The following VHL variants were observed in gnomAD, a reference collection of about 807,000 sequenced individuals.
The protein encoded by VHL is von Hippel-Lindau disease tumor suppressor.
A neutral mutation model predicts 19.2 loss-of-function variants in VHL; 10 were observed. The observed-to-expected ratio is 0.52, with a 90% CI of 0.32 to 0.89. The LOEUF (loss-of-function observed/expected upper bound fraction) is 0.89. Among genes scored for constraint, VHL ranks in the 40% least tolerant of loss-of-function variants. VHL has a pLI of 0.03. For missense variants in VHL, 328 were observed against 292.7 expected, an observed-to-expected ratio of 1.12 and a Z score of -0.88; for synonymous variants, 167 against 129.5, an observed-to-expected ratio of 1.29 and a Z score of -1.97.
rs1696468121 is a variant in VHL at position 10,153,441 on chromosome 3, A to G, written c.*3476A>G. Among the ~76,000 whole-genome samples the G allele has an allele frequency of 8.4e-6, 1 of 119,692 alleles. No individual in the cohort carries two copies. The highest frequency in any genetic ancestry group is 1.5e-5 in the Non-Finnish European group (1 of 65,280). 78.5% of individuals were successfully genotyped at this position (119,692 alleles called of 152,430 possible). ...TGAAATTCCATCTCAAAAAGAAACC[A>G]AAAAAACAAAAAAAAAACATGCCGT... On this transcript the variant is annotated 3_prime_UTR_variant, in exon 3 of 3. Transcript: ENST00000256474.
intron 2 of VHL, among the ~76,000 whole-genome samples, chr3:10,148,019 C>G (rs968274150): frequency 5.3e-5 from 8 of 151,690 alleles, no homozygotes; most frequent in Admixed American, 2.0e-4. Context: ...TCCCTTGAGC[C>G]CAGGAGTTTG....
At chr3:10,142,391 G>A (rs1477530962) in intron 1 of VHL, among the ~76,000 whole-genome samples, 1 of 131,092 alleles carries the variant, frequency 7.6e-6, no homozygotes. Flanking sequence ...TGTCGCCCAG[G>A]CTGGAGTGCA....
At position 10,141,852 on chromosome 3, in the gene VHL, C is replaced by T. The variant is rs111246617; in HGVS notation, c.5C>T (p.Pro2Leu). Residue 2 changes from proline to leucine, a missense_variant, in exon 1 of 3, where the codon CCC becomes CTC. Pro to Leu is a moderately conservative substitution (Grantham distance 98). Coordinates refer to ENST00000256474, the MANE Select transcript of VHL (RefSeq NM_000551.4). ...GTGGTCTGGATCGCGGAGGGAATGC[C>T]CCGGAGGGCGGAGAACTGGGACGAG... M[P>L]RRAENWDEAE... 1.4e-4 allele frequency: 212 copies of T among 1,535,874 alleles called. No individual in the cohort carries two copies. The highest frequency in any genetic ancestry group is 1.7e-4 in the Non-Finnish European group (192 of 1,140,018).
chr3:10,147,361 T>G (rs578047912), intron 2 of VHL, among the ~76,000 whole-genome samples: 3 of 32,386 alleles, frequency 9.3e-5, no homozygotes, highest in East Asian at 8.9e-4. Context: ...TCAGAGGTGT[T>G]TTTTTTTTTT....
chr3:10,146,261 C>T (rs570354289), intron 1 of VHL, among the ~76,000 whole-genome samples: 18 of 151,440 alleles, frequency 1.2e-4, no homozygotes, highest in African/African-American at 4.4e-4. Flanking sequence ...GCAAGCTCCA[C>T]CTCCTGGGTT....
At position 10,142,250 on chromosome 3, in the gene VHL, C is replaced by T. The variant is rs1334583074; in HGVS notation, c.340+63C>T. Reference sequence around the variant, plus strand: ...GATAGCACGGTCTGAAGCCCCTCTACCGCCCCGGGGTCCATTTTGCAGACG... The same window carrying T: ...GATAGCACGGTCTGAAGCCCCTCTATCGCCCCGGGGTCCATTTTGCAGACG... On this transcript the variant is annotated intron_variant, in intron 1 of 2. Transcript: ENST00000256474. The T allele has an allele frequency of 1.3e-5, 20 of 1,540,494 alleles. 1 individual carries two copies. The highest frequency in any genetic ancestry group is 6.8e-5 in the African/African-American group (5 of 73,454).
At chr3:10,143,827 GT>G (rs1035352406) in intron 1 of VHL, among the ~76,000 whole-genome samples, 3 of 152,226 alleles carry the variant, frequency 2.0e-5, no homozygotes, top group African/African-American at 7.2e-5. Flanking sequence ...TTGCCAAGTG[GT>G]TTGGAGGGGA....
chr3:10,142,424 C>G, intron 1 of VHL: 1 of 543,260 alleles, frequency 1.8e-6, no homozygotes. Flanking sequence ...CGACTCACTG[C>G]AGCCTCCGCC....
chr3:10,148,625 A>G (rs544539203), intron 2 of VHL, among the ~76,000 whole-genome samples: 69 of 149,648 alleles, frequency 4.6e-4, no homozygotes, highest in African/African-American at 8.4e-4. Context: ...AGATTTTCTA[A>G]GTACACATTG....
At position 10,146,496 on chromosome 3, in the gene VHL, C is replaced by T; in HGVS notation, c.341-18C>T. 2 of 1,613,062 alleles carry T rather than the reference C, an allele frequency of 1.2e-6. No homozygotes were observed. The highest frequency in any genetic ancestry group is 1.7e-6 in the Non-Finnish European group (2 of 1,179,300). On this transcript the variant is annotated intron_variant, in intron 1 of 2. Transcript: ENST00000256474. ...GCCACCGGTGTGGCTCTTTAACAAC[C>T]TTTGCTTGTCCCGATAGGTCACCTT...
chr3:10,145,458 C>G (rs1369759160), intron 1 of VHL, among the ~76,000 whole-genome samples: 2 of 152,004 alleles, frequency 1.3e-5, no homozygotes, highest in Non-Finnish European at 2.9e-5. Context: ...GTAATCCCAG[C>G]ACTTTGGGAG....
chr3:10,149,854 A>T lies in VHL; in HGVS notation c.531A>T (p.Arg177Ser), dbSNP rs766088261. 1 of 1,614,144 alleles carries T rather than the reference A, an allele frequency of 6.2e-7. No individual in the cohort carries two copies. The highest frequency in any genetic ancestry group is 8.5e-7 in the Non-Finnish European group (1 of 1,180,026). Residue 177 changes from arginine (R) to serine (S), a missense_variant, in exon 3 of 3, where the codon AGA becomes AGT. Physicochemically the swap from Arg to Ser is moderately radical, Grantham distance 110 (BLOSUM62 -1). Transcript: ENST00000256474. ...TAGTCAAGCCTGAGAATTACAGGAG[A>T]CTGGACATCGTCAGGTCGCTCTACG... ...RSLVKPENYR[R>S]LDIVRSLYED...
rs5030832 is a variant in VHL, at chr3:10,146,535, A to G, written c.362A>G (p.Asp121Gly). 6.2e-7 allele frequency: 1 copy of G among 1,613,928 alleles called. No individual in the cohort carries two copies. Among genetic ancestry groups the G allele is most frequent in the Non-Finnish European group, 8.5e-7 (1 of 1,179,860 alleles). The change falls in exon 2 of 3, where the codon GAT (aspartate) becomes GGT (glycine). Residue 121 changes from aspartate to glycine, a missense_variant. Transcript: ENST00000256474. ...ATAGGTCACCTTTGGCTCTTCAGAG[A>G]TGCAGGGACACACGATGGGCTTCTG... Reference protein sequence around the residue: ...SYRGHLWLFRDAGTHDGLLVN... With the variant: ...SYRGHLWLFRGAGTHDGLLVN...
At chr3:10,146,174 T>C (rs977456590) in intron 1 of VHL, among the ~76,000 whole-genome samples, 2 of 111,542 alleles carry the variant, frequency 1.8e-5, no homozygotes, top group African/African-American at 1.2e-4. Flanking sequence ...AGTCTGGCTC[T>C]TTTTTTTTTT....
Position 10,141,850 on chromosome 3 carries a change from GC to G in VHL, c.7del (p.Arg3GlyfsTer11), listed in dbSNP as rs1575920798. 6.5e-7 allele frequency: 1 copy of G among 1,535,404 alleles called. No homozygotes were observed. Among genetic ancestry groups the G allele is most frequent in the East Asian group, 2.5e-5 (1 of 40,544 alleles). The part of the protein sequence containing the change: M[P>X]RRAENWDEAE... ...GGGTGGTCTGGATCGCGGAGGGAAT[GC>G]CCCGGAGGGCGGAGAACTGGGACGA... is the stretch of plus-strand genomic sequence containing the variant. On this transcript the variant is annotated frameshift_variant, in exon 1 of 3. Transcript: ENST00000256474. LOFTEE classifies it high-confidence loss of function.
chr3:10,146,588 T>G lies in VHL; in HGVS notation c.415T>G (p.Ser139Ala). 1 of 1,614,024 alleles carries G rather than the reference T, an allele frequency of 6.2e-7. No individual in the cohort carries two copies. The highest frequency in any genetic ancestry group is 2.2e-5 in the East Asian group (1 of 44,876). ...TAACCAAACTGAATTATTTGTGCCA[T>G]CTCTCAATGTTGACGGACAGCCTAT... ...LVNQTELFVP[S>A]LNVDGQPIFA... is the part of the protein sequence containing the mutation. Residue 139 changes from serine (S) to alanine (A), a missense_variant, in exon 2 of 3, where the codon TCT (serine) becomes GCT (alanine). Coordinates refer to ENST00000256474, the MANE Select transcript of VHL (RefSeq NM_000551.4).
At chr3:10,143,403 A>G (rs915589113) in intron 1 of VHL, among the ~76,000 whole-genome samples, 5 of 152,146 alleles carry the variant, frequency 3.3e-5, no homozygotes, top group Non-Finnish European at 5.9e-5. Context: ...TGCTGAGATT[A>G]CAGGTGTAAG....
intron 1 of VHL, among the ~76,000 whole-genome samples, chr3:10,144,740 C>T (rs554146916): frequency 1.3e-5 from 2 of 151,618 alleles, no homozygotes; most frequent in African/African-American, 4.8e-5. Flanking sequence ...CAGGCTGAGA[C>T]CTCATCTCTT....
chr3:10,148,911 A>G (rs983128827), intron 2 of VHL, among the ~76,000 whole-genome samples: 1 of 148,276 alleles, frequency 6.7e-6, no homozygotes, highest in African/African-American at 2.5e-5. Context: ...GAGCTCAGGC[A>G]GTCTGCCTGC....
Sources: gnomAD v4.1 joint callset for allele counts (sites outside exome capture counted in the v4.1 genomes callset) on GRCh38, gnomAD v4.1.1 for gene constraint, MANE v1.5 for transcripts, NCBI Gene and HGNC (gene_info 2026-07-23, HGNC 2026-07-21) for gene names.